The following BABAM2 variants were observed in gnomAD, a reference collection of about 807,000 sequenced individuals.
BABAM2 encodes BRISC and BRCA1 A complex member 2, also known as BRISC and BRCA1-A complex member 2.
In BABAM2, 31 loss-of-function variants were observed where a neutral mutation model predicts 54.7. The ratio of observed to expected loss-of-function variants is 0.57; its 90% CI spans 0.43 to 0.77. The LOEUF (loss-of-function observed/expected upper bound fraction) is 0.77. Ranked by LOEUF, BABAM2 falls within the 30% of genes least tolerant of loss-of-function variation. The probability of loss-of-function intolerance (pLI) is 0.00; values close to 1 mark genes in which losing one functional copy is unlikely to be tolerated. For synonymous variants in BABAM2, 167 were observed against 162.9 expected (o/e 1.03, Z -0.19); for missense variants, 364 against 455.8 (o/e 0.80, Z 1.83).
At chr2:28,011,502 A>G (rs1175674595) in intron 4 of BABAM2, among the ~76,000 whole-genome samples, 9 of 152,184 alleles carry the variant, frequency 5.9e-5, no homozygotes. Flanking sequence ...AGAAAAGCCT[A>G]TAGCTGGGAT....
chr2:28,134,001 C>T (rs973228721), intron 7 of BABAM2, among the ~76,000 whole-genome samples: 4 of 152,056 alleles, frequency 2.6e-5, no homozygotes, highest in East Asian at 1.9e-4. Flanking sequence ...TATTGTTTAC[C>T]GGTCTCCCAC....
intron 5 of BABAM2, among the ~76,000 whole-genome samples, chr2:28,026,060 A>T (rs1365024644): frequency 6.6e-6 from 1 of 152,186 alleles, no homozygotes; most frequent in Non-Finnish European, 1.5e-5. Context: ...TAGAATGGCC[A>T]TAATTAAAAA....
At chr2:28,013,415 A>T in intron 4 of BABAM2, 1 of 455,670 alleles carries the variant, frequency 2.2e-6, no homozygotes. Flanking sequence ...AAAAGTTCAG[A>T]CTTAAAATTT....
chr2:28,015,934 T>G (rs1394778739), intron 4 of BABAM2: 3 of 583,816 alleles, frequency 5.1e-6, no homozygotes, highest in Non-Finnish European at 9.3e-6. Context: ...AGGTTTATCT[T>G]CAGAATATAT....
chr2:28,138,385 T>TAGC (rs1356286665), intron 7 of BABAM2, among the ~76,000 whole-genome samples: 1 of 152,150 alleles, frequency 6.6e-6, no homozygotes, highest in Non-Finnish European at 1.5e-5. Flanking sequence ...TTTAAAGGAA[T>TAGC]AGCAGATTGA....
At chr2:27,983,072 G>T (rs940439623) in intron 3 of BABAM2, among the ~76,000 whole-genome samples, 1 of 151,834 alleles carries the variant, frequency 6.6e-6, no homozygotes, top group African/African-American at 2.4e-5. Flanking sequence ...TAATTTTTTT[G>T]TGTGGAATTA....
At chr2:28,185,611 C>A (rs1052200352) in intron 7 of BABAM2, among the ~76,000 whole-genome samples, 6 of 151,962 alleles carry the variant, frequency 3.9e-5, no homozygotes, top group African/African-American at 1.2e-4. Context: ...CCTTGGCCAG[C>A]GTCAGTGCAT....
chr2:28,306,127 G>T (rs1160922537), intron 11 of BABAM2, among the ~76,000 whole-genome samples: 1 of 152,142 alleles, frequency 6.6e-6, no homozygotes, highest in Non-Finnish European at 1.5e-5. Context: ...GTTGAGAATT[G>T]TTTTGTAGAC....
chr2:28,010,164 A>G (rs1674287452), intron 4 of BABAM2, among the ~76,000 whole-genome samples: 1 of 152,028 alleles, frequency 6.6e-6, no homozygotes, highest in Non-Finnish European at 1.5e-5. Context: ...TAGCTTTTTT[A>G]TAAGTTTCAC....
intron 2 of BABAM2, among the ~76,000 whole-genome samples, chr2:27,908,729 A>G (rs764746389): frequency 2.0e-4 from 30 of 152,094 alleles, no homozygotes; most frequent in Non-Finnish European, 3.8e-4. Context: ...TTTCTGTGTT[A>G]ATTCACTTAG....
At chr2:27,984,248 AT>A (rs1192744337) in intron 3 of BABAM2, among the ~76,000 whole-genome samples, 2 of 151,700 alleles carry the variant, frequency 1.3e-5, no homozygotes, top group Admixed American at 6.6e-5. Flanking sequence ...TAACTTTTTG[AT>A]TTTTTTTCCT....
At chr2:28,068,288 T>C (rs1168492169) in intron 6 of BABAM2, among the ~76,000 whole-genome samples, 1 of 152,208 alleles carries the variant, frequency 6.6e-6, no homozygotes, top group Non-Finnish European at 1.5e-5. Context: ...AACCTACATA[T>C]GTAGCGAGGG....
chr2:27,890,258 T>C, upstream of BABAM2: 1 of 1,613,578 alleles, frequency 6.2e-7, no homozygotes, highest in Non-Finnish European at 8.5e-7. This position sits in a 1 kb window ranked among gnomAD's most constrained non-coding sequence, Gnocchi z 4.8. Context: ...CGGACTAACC[T>C]GACCAGGTCG....
chr2:28,096,019 A>T (rs924768773), intron 6 of BABAM2, among the ~76,000 whole-genome samples: 3 of 152,176 alleles, frequency 2.0e-5, no homozygotes, highest in African/African-American at 7.2e-5. Flanking sequence ...TTTGGATTCA[A>T]ATCTGGATTA....
chr2:28,238,828 A>T (rs1012149079), intron 8 of BABAM2, among the ~76,000 whole-genome samples: 9 of 72,298 alleles, frequency 1.2e-4, no homozygotes, highest in African/African-American at 3.8e-4. Context: ...ATTTCTAGTC[A>T]TACATTTTCC....
chr2:27,942,239 A>G (rs1409274026), intron 3 of BABAM2, among the ~76,000 whole-genome samples: 1 of 152,240 alleles, frequency 6.6e-6, no homozygotes, highest in African/African-American at 2.4e-5. Context: ...TGGAGGACCC[A>G]GTGGTGTTGC....
At chr2:28,282,737 T>C (rs999616708) in intron 10 of BABAM2, among the ~76,000 whole-genome samples, 22 of 152,232 alleles carry the variant, frequency 1.4e-4, no homozygotes, top group African/African-American at 4.8e-4. Flanking sequence ...CGGTGGCTCA[T>C]GCCTGTAATC....
chr2:28,114,818 G>C (rs1668468725), intron 6 of BABAM2, among the ~76,000 whole-genome samples: 2 of 152,112 alleles, frequency 1.3e-5, no homozygotes, highest in Non-Finnish European at 2.9e-5. Context: ...TCTAAACCTG[G>C]GGAGAAATGG....
intron 6 of BABAM2, among the ~76,000 whole-genome samples, chr2:28,082,112 GA>G (rs58628925): frequency 0.31 from 47,648 of 151,606 alleles, 7,863 homozygotes; most frequent in South Asian, 0.52. Flanking sequence ...TGCTATGGGG[GA>G]AAAAAAACAA....
Sources: allele counts gnomAD v4.1 joint callset (sites outside exome capture counted in the v4.1 genomes callset), GRCh38; gene constraint gnomAD v4.1.1; non-coding constraint Gnocchi (gnomAD v3.1); transcripts MANE v1.5; gene names NCBI Gene and HGNC (gene_info 2026-07-23, HGNC 2026-07-21).